XIRP2: variants seen among roughly 807,000 people sequenced by gnomAD.
XIRP2 encodes xin actin-binding repeat-containing protein 2.
In XIRP2, 236 loss-of-function variants were observed where a neutral mutation model predicts 277.0. The ratio of observed to expected loss-of-function variants is 0.85; its 90% CI spans 0.77 to 0.95. XIRP2 has a LOEUF of 0.95. Ranked by LOEUF, XIRP2 falls within the 40% of genes least tolerant of loss-of-function variation. XIRP2 has a pLI of 0.00. For synonymous variants in XIRP2, 1,490 were observed against 1,416.5 expected, an observed-to-expected ratio of 1.05 and a Z score of -1.17; for missense variants, 4,640 against 4,157.5, an observed-to-expected ratio of 1.12 and a Z score of -3.19.
At chr2:166,922,241 C>T (rs72882767) in intron 2 of XIRP2, among the ~76,000 whole-genome samples, 27,810 of 151,516 alleles carry the variant, frequency 0.18, 3,135 homozygotes, top group Admixed American at 0.26. Flanking sequence ...AGCTACCTCA[C>T]GAACTGCACA....
chr2:167,000,945 G>C (rs74520676), intron 2 of XIRP2, among the ~76,000 whole-genome samples: 11,053 of 152,088 alleles, frequency 0.073, 788 homozygotes, highest in East Asian at 0.38. Context: ...TACTTGGGAG[G>C]CTGAGGCAGT....
chr2:167,025,882 G>T (rs937111303), intron 2 of XIRP2, among the ~76,000 whole-genome samples: 1 of 151,966 alleles, frequency 6.6e-6, no homozygotes, highest in Non-Finnish European at 1.5e-5. Flanking sequence ...CAACTATGTG[G>T]TCAATTTTGG....
rs1038984462 is a variant in XIRP2, at chr2:167,109,981, C to T, written c.409-25928C>T. On this transcript the variant is annotated intron_variant, in intron 2 of 10. Coordinates refer to ENST00000409195, the MANE Select transcript of XIRP2 (RefSeq NM_152381.6). The stretch of plus-strand genomic sequence containing the variant: ...GCCACATGTATGTCTTCTTTTGAGA[C>T]ATGTCTGTTCATGTCCTTTGCCCAC... 2.6e-5 allele frequency among the ~76,000 whole-genome samples: 4 copies of T among 152,048 alleles called. No homozygotes were observed. The East Asian group carries it at 7.8e-4, about 29-fold the overall frequency.
rs1159544208 is a variant in XIRP2, at chr2:167,254,136, C to G, written c.*10C>G. ...AGCAGAATTTTCATAAGTCCTGCTTCCGATGCCACCATTGCAACAGTAAAC... is the reference window on the plus strand; with the variant it reads ...AGCAGAATTTTCATAAGTCCTGCTTGCGATGCCACCATTGCAACAGTAAAC... On this transcript the variant is annotated 3_prime_UTR_variant, in exon 10 of 11. Coordinates refer to ENST00000409195, the MANE Select transcript of XIRP2 (RefSeq NM_152381.6). 2 of 1,610,206 alleles carry G rather than the reference C, an allele frequency of 1.2e-6. No homozygotes were observed. Among genetic ancestry groups the G allele is most frequent in the South Asian group, 2.2e-5 (2 of 90,620 alleles).
chr2:166,942,653 G>A (rs1685751670), intron 2 of XIRP2, among the ~76,000 whole-genome samples: 1 of 152,104 alleles, frequency 6.6e-6, no homozygotes, highest in Non-Finnish European at 1.5e-5. Flanking sequence ...AGTTTGTACT[G>A]ATAAACAATT....
At chr2:167,139,632 C>G (rs11900989) in intron 3 of XIRP2, among the ~76,000 whole-genome samples, 12,015 of 152,162 alleles carry the variant, frequency 0.079, 569 homozygotes, top group African/African-American at 0.12. Context: ...GGGGATCCTT[C>G]CAGTCATTAA....
chr2:167,023,903 G>T lies in XIRP2; in HGVS notation c.409-112006G>T, dbSNP rs577031200. 3.4e-3 allele frequency among the ~76,000 whole-genome samples: 518 copies of T among 152,116 alleles called. 7 individuals are homozygous for T. Among genetic ancestry groups the T allele is most frequent in the African/African-American group, 0.012 (478 of 41,498 alleles). Reference sequence around the variant, plus strand: ...GTCAGGTAGCGTGATGCCTCTGGCTGTGTTCTTTTGGCTTAGGATTGACTT... The same window carrying T: ...GTCAGGTAGCGTGATGCCTCTGGCTTTGTTCTTTTGGCTTAGGATTGACTT... On this transcript the variant is annotated intron_variant, in intron 2 of 10. Transcript: ENST00000409195.
chr2:166,976,344 G>A (rs1686718112), intron 2 of XIRP2, among the ~76,000 whole-genome samples: 2 of 152,110 alleles, frequency 1.3e-5, no homozygotes, highest in Admixed American at 1.3e-4. Context: ...CTCCCATTCT[G>A]TGTTATCAGC....
rs372123159 is a variant in XIRP2, at chr2:166,903,760, C to T, written c.278C>T (p.Pro93Leu). 6.8e-6 allele frequency: 11 copies of T among 1,613,500 alleles called. No homozygotes were observed. The highest frequency in any genetic ancestry group is 9.3e-6 in the Non-Finnish European group (11 of 1,179,790). Reference sequence around the variant, plus strand: ...AACAACACCAGGGAATATGGTCGGCCAGAAGTGCTGAAGGAGGATTCCCTG... The same window carrying T: ...AACAACACCAGGGAATATGGTCGGCTAGAAGTGCTGAAGGAGGATTCCCTG... ...KSNNTREYGR[P>L]EVLKEDSLSS... Residue 93 changes from proline to leucine, a missense_variant, in exon 2 of 11, where the codon CCA becomes CTA. By Grantham distance (98) the Pro-to-Leu change is moderately conservative (BLOSUM62 -3). Coordinates refer to ENST00000409195, the MANE Select transcript of XIRP2 (RefSeq NM_152381.6).
At chr2:167,145,936 G>A (rs1031978639) in intron 3 of XIRP2, among the ~76,000 whole-genome samples, 1 of 151,986 alleles carries the variant, frequency 6.6e-6, no homozygotes, top group African/African-American at 2.4e-5. Flanking sequence ...CCATGAAAGA[G>A]ATTCATAGAA....
At chr2:166,946,683 G>A (rs543644743) in intron 2 of XIRP2, among the ~76,000 whole-genome samples, 1 of 152,032 alleles carries the variant, frequency 6.6e-6, no homozygotes, top group Admixed American at 6.6e-5. Flanking sequence ...TTCCTCAGAA[G>A]GGTAAAAATT....
chr2:167,015,320 C>G (rs1487518971), intron 2 of XIRP2, among the ~76,000 whole-genome samples: 2 of 151,786 alleles, frequency 1.3e-5, no homozygotes, highest in Non-Finnish European at 2.9e-5. Context: ...TTTGAGGTGT[C>G]TTCAATATTC....
rs778784096 is a variant in XIRP2 at position 167,249,528 on chromosome 2, C to T, written c.8136C>T (p.Thr2712=). 14 of 1,613,594 alleles carry T rather than the reference C, an allele frequency of 8.7e-6. No individual in the cohort carries two copies. Among genetic ancestry groups the T allele is most frequent in the Non-Finnish European group, 1.2e-5 (14 of 1,179,810 alleles). The change falls in exon 9 of 11, where the codon ACC becomes ACT. Residue 2712 remains threonine, a synonymous_variant. Transcript: ENST00000409195. ...KPISPNFKVK[T]IKLPTLDHTL... The stretch of plus-strand genomic sequence containing the variant: ...TTTCCCCAAATTTCAAAGTTAAAAC[C>T]ATCAAACTTCCAACTCTAGATCATA...
chr2:167,195,567 A>G (rs1413539093), intron 3 of XIRP2, among the ~76,000 whole-genome samples: 2 of 152,222 alleles, frequency 1.3e-5, no homozygotes, highest in Non-Finnish European at 2.9e-5. Flanking sequence ...CTGTGAAAAG[A>G]TGGAAGAACT....
At chr2:167,155,760 G>A (rs932530366) in intron 3 of XIRP2, among the ~76,000 whole-genome samples, 2 of 151,872 alleles carry the variant, frequency 1.3e-5, no homozygotes, top group Admixed American at 6.6e-5. Flanking sequence ...AATTAGGCAG[G>A]AGAAGGAAAT....
chr2:167,135,027 C>T (rs555360672), intron 2 of XIRP2, among the ~76,000 whole-genome samples: 1 of 152,178 alleles, frequency 6.6e-6, no homozygotes, highest in South Asian at 2.1e-4. Flanking sequence ...GAAACCAAAC[C>T]TACAGTTACA....
At chr2:167,215,770 C>T (rs1232265639) in intron 4 of XIRP2, among the ~76,000 whole-genome samples, 1 of 152,112 alleles carries the variant, frequency 6.6e-6, no homozygotes, top group African/African-American at 2.4e-5. Context: ...GGCCTGTTTC[C>T]TTGAGAATTA....
intron 3 of XIRP2, among the ~76,000 whole-genome samples, chr2:167,179,211 A>G (rs1404421653): frequency 6.6e-6 from 1 of 152,098 alleles, no homozygotes. Context: ...GTCTTTTTAT[A>G]CAATAAGCTT....
At chr2:167,122,295 G>C (rs978669705) in intron 2 of XIRP2, among the ~76,000 whole-genome samples, 1 of 152,180 alleles carries the variant, frequency 6.6e-6, no homozygotes, top group Non-Finnish European at 1.5e-5. Context: ...ACCAGGACTA[G>C]AATTGTAGCT....
Sources: gnomAD v4.1 joint callset for allele counts (sites outside exome capture counted in the v4.1 genomes callset) on GRCh38, gnomAD v4.1.1 for gene constraint, MANE v1.5 for transcripts, NCBI Gene and HGNC (gene_info 2026-07-23, HGNC 2026-07-21) for gene names.